RIT2: variants seen among roughly 807,000 people sequenced by gnomAD.
The protein encoded by RIT2 is GTP-binding protein Rit2.
In RIT2, 24 loss-of-function variants were observed where a neutral mutation model predicts 23.7. The observed-to-expected ratio is 1.01, with a 90% CI of 0.73 to 1.43. The LOEUF (loss-of-function observed/expected upper bound fraction) is 1.43, where lower values mean the gene tolerates loss of function less well. RIT2 is among the 40% of genes most tolerant of loss of function. The pLI, the probability that RIT2 is intolerant of heterozygous loss-of-function variation, is 0.00. For missense variants in RIT2, 236 were observed against 266.9 expected (o/e 0.88, Z 0.81); for synonymous variants, 107 against 91.1 (o/e 1.17, Z -0.99).
intron 1 of RIT2, among the ~76,000 whole-genome samples, chr18:43,044,804 G>A (rs1912208284): frequency 6.6e-6 from 1 of 152,090 alleles, no homozygotes; most frequent in Non-Finnish European, 1.5e-5. Flanking sequence ...TCATTTCCCT[G>A]AGTGTTTTTC....
intron 2 of RIT2, among the ~76,000 whole-genome samples, chr18:42,991,322 A>T (rs911145791): frequency 1.3e-5 from 2 of 152,168 alleles, no homozygotes; most frequent in Non-Finnish European, 2.9e-5. Flanking sequence ...GAGTAGGCAA[A>T]CACACTCCCA....
At chr18:42,788,500 T>C (rs1245678574) in intron 4 of RIT2, among the ~76,000 whole-genome samples, 2 of 152,206 alleles carry the variant, frequency 1.3e-5, no homozygotes, top group Admixed American at 1.3e-4. Flanking sequence ...CCATGAATTG[T>C]TTTGAAATAT....
At chr18:42,893,387 G>T (rs1452058100) in intron 4 of RIT2, among the ~76,000 whole-genome samples, 1 of 152,140 alleles carries the variant, frequency 6.6e-6, no homozygotes, top group Non-Finnish European at 1.5e-5. Flanking sequence ...TTGGATGTGG[G>T]TTTCTTCTCT....
intron 2 of RIT2, among the ~76,000 whole-genome samples, chr18:42,984,555 G>T (rs1293776389): frequency 6.6e-6 from 1 of 151,932 alleles, no homozygotes; most frequent in Admixed American, 6.6e-5. Flanking sequence ...TGCATAAAGG[G>T]ATATGAGATG....
intron 1 of RIT2, among the ~76,000 whole-genome samples, chr18:43,057,116 A>G (rs1240602847): frequency 6.6e-6 from 1 of 151,796 alleles, no homozygotes; most frequent in Non-Finnish European, 1.5e-5. Context: ...GATATAGAAT[A>G]TTGAGTTATA....
chr18:43,058,610 G>A (rs1475619179), intron 1 of RIT2, among the ~76,000 whole-genome samples: 2 of 152,072 alleles, frequency 1.3e-5, no homozygotes, highest in African/African-American at 4.8e-5. Flanking sequence ...TTTCTCGTCA[G>A]GTGCAGTGTC....
chr18:42,888,441 C>T (rs1296596105), intron 4 of RIT2, among the ~76,000 whole-genome samples: 1 of 151,980 alleles, frequency 6.6e-6, no homozygotes, highest in East Asian at 1.9e-4. Context: ...AGACTGATTT[C>T]CACAGTGGTT....
Position 42,743,424 on chromosome 18 carries a change from A to C in RIT2, c.*69T>G. ...ACACATAGAGAGATAATATTGAAGCAGAATGCTACATATGGAATTGTCCAA... is the reference window on the plus strand; with the variant it reads ...ACACATAGAGAGATAATATTGAAGCCGAATGCTACATATGGAATTGTCCAA... On this transcript the variant is annotated 3_prime_UTR_variant, in exon 5 of 5. Coordinates refer to ENST00000326695, the MANE Select transcript of RIT2 (RefSeq NM_002930.4). 8.9e-7 allele frequency: 1 copy of C among 1,119,596 alleles called. No homozygotes were observed. Among genetic ancestry groups the C allele is most frequent in the South Asian group, 1.3e-5 (1 of 76,720 alleles). 69.4% of individuals were successfully genotyped at this position (1,119,596 alleles called of 1,614,324 possible).
At chr18:42,965,317 A>G (rs1038790126) in intron 3 of RIT2, among the ~76,000 whole-genome samples, 3 of 152,142 alleles carry the variant, frequency 2.0e-5, no homozygotes, top group South Asian at 2.1e-4. Flanking sequence ...CTAATGCTAC[A>G]CATCCCATTT....
intron 2 of RIT2, among the ~76,000 whole-genome samples, chr18:43,028,338 G>C (rs1911779027): frequency 6.6e-6 from 1 of 151,998 alleles, no homozygotes; most frequent in Admixed American, 6.6e-5. Flanking sequence ...GGTGTTTAAG[G>C]TACAGGAGAG....
At chr18:42,760,457 A>G (rs770995533) in intron 4 of RIT2, among the ~76,000 whole-genome samples, 7 of 152,204 alleles carry the variant, frequency 4.6e-5, no homozygotes, top group Non-Finnish European at 8.8e-5. Context: ...AAACAACACT[A>G]TCACTGCAAT....
At chr18:43,030,883 A>C (rs1439457468) in intron 2 of RIT2, among the ~76,000 whole-genome samples, 4 of 152,076 alleles carry the variant, frequency 2.6e-5, no homozygotes, top group Non-Finnish European at 5.9e-5. Flanking sequence ...AAGTTGATGC[A>C]TGTTTAGTTT....
At chr18:42,788,712 T>C (rs1274526196) in intron 4 of RIT2, among the ~76,000 whole-genome samples, 2 of 152,198 alleles carry the variant, frequency 1.3e-5, no homozygotes, top group East Asian at 3.8e-4. Flanking sequence ...GATGATACTG[T>C]CATTTATTCT....
chr18:43,038,866 G>T (rs1232370060), intron 1 of RIT2, among the ~76,000 whole-genome samples: 2 of 151,206 alleles, frequency 1.3e-5, no homozygotes, highest in Non-Finnish European at 2.9e-5. Flanking sequence ...CACATCAAGG[G>T]TGTTGTCTTC....
At position 42,856,825 on chromosome 18, in the gene RIT2, C is replaced by CTTTTTTTTTTTT. The variant is rs760595125; in HGVS notation, c.426+66746_426+66747insAAAAAAAAAAAA. On this transcript the variant is annotated intron_variant, in intron 4 of 4. Coordinates refer to ENST00000326695, the MANE Select transcript of RIT2 (RefSeq NM_002930.4). ...AGAAGTCTTTTTCTTTTCTCTCTCTCTCTTTTTTTTTTTTTTTTTTTTGAG... is the reference window on the plus strand; with the variant it reads ...AGAAGTCTTTTTCTTTTCTCTCTCTCTTTTTTTTTTTTTCTTTTTTTTTTTTTTTTTTTTGAG... Among the ~76,000 whole-genome samples the CTTTTTTTTTTTT allele has an allele frequency of 8.1e-4, 104 of 127,964 alleles. 1 individual carries two copies. Among genetic ancestry groups the CTTTTTTTTTTTT allele is most frequent in the African/African-American group, 3.3e-3 (103 of 30,800 alleles). 83.9% of individuals were successfully genotyped at this position (127,964 alleles called of 152,430 possible).
intron 4 of RIT2, among the ~76,000 whole-genome samples, chr18:42,848,421 C>T (rs1205773233): frequency 6.6e-6 from 1 of 152,130 alleles, no homozygotes; most frequent in Non-Finnish European, 1.5e-5. Context: ...TACCTATTTT[C>T]CTGTAGTCAC....
chr18:43,010,360 G>A (rs932434554), intron 2 of RIT2, among the ~76,000 whole-genome samples: 1 of 151,680 alleles, frequency 6.6e-6, no homozygotes. Context: ...TATATTATTT[G>A]TTTCTCCATC....
At chr18:42,790,008 G>A (rs1214585544) in intron 4 of RIT2, among the ~76,000 whole-genome samples, 1 of 152,078 alleles carries the variant, frequency 6.6e-6, no homozygotes, top group Non-Finnish European at 1.5e-5. Context: ...TCTATTCCTA[G>A]TTTATTGAGA....
At chr18:42,899,039 A>G (rs1908405959) in intron 4 of RIT2, among the ~76,000 whole-genome samples, 1 of 151,992 alleles carries the variant, frequency 6.6e-6, no homozygotes, top group African/African-American at 2.4e-5. Context: ...TAAATAATTA[A>G]TTTGTTAAAA....
Sources: allele counts gnomAD v4.1 joint callset (sites outside exome capture counted in the v4.1 genomes callset), GRCh38; gene constraint gnomAD v4.1.1; transcripts MANE v1.5; gene names NCBI Gene and HGNC (gene_info 2026-07-23, HGNC 2026-07-21).